The following ARHGAP42 variants were observed in gnomAD, a reference collection of about 807,000 sequenced individuals.
The protein encoded by ARHGAP42 is Rho GTPase activating protein 42.
ARHGAP42 carries 63 observed loss-of-function variants against 125.0 expected under a neutral mutation model. The observed-to-expected ratio is 0.50, with a 90% CI of 0.41 to 0.62. The LOEUF (loss-of-function observed/expected upper bound fraction) is 0.62. Among genes scored for constraint, ARHGAP42 ranks in the 20% least tolerant of loss-of-function variants. The pLI is 0.00. For synonymous variants in ARHGAP42, 339 were observed against 351.0 expected (o/e 0.97, Z 0.38); for missense variants, 766 against 1,024.2 (o/e 0.75, Z 3.44).
intron 3 of ARHGAP42, among the ~76,000 whole-genome samples, chr11:100,858,804 A>G (rs976810436): frequency 4.6e-5 from 7 of 152,058 alleles, no homozygotes; most frequent in African/African-American, 1.4e-4. Flanking sequence ...CTTTATTTTA[A>G]TGCTTTCTAA....
rs1037746707 is a variant in ARHGAP42, at chr11:100,687,652, G to A, written c.-27G>A. 31 of 1,418,890 alleles carry A rather than the reference G, an allele frequency of 2.2e-5. No individual in the cohort carries two copies. The highest frequency in any genetic ancestry group is 2.8e-5 in the Non-Finnish European group (30 of 1,074,910). 87.9% of individuals were successfully genotyped at this position (1,418,890 alleles called of 1,614,324 possible). Reference sequence around the variant, plus strand: ...CCTGACCTCCGGCCCGGACGTGTCCGCGGCCGCCGCTGGCAGCGCCTGTGC... The same window carrying A: ...CCTGACCTCCGGCCCGGACGTGTCCACGGCCGCCGCTGGCAGCGCCTGTGC... On this transcript the variant is annotated 5_prime_UTR_variant, in exon 1 of 24. Coordinates refer to ENST00000298815, the MANE Select transcript of ARHGAP42 (RefSeq NM_152432.4).
At chr11:100,849,591 G>T (rs78473389) in intron 3 of ARHGAP42, among the ~76,000 whole-genome samples, 2,832 of 145,940 alleles carry the variant, frequency 0.019, 39 homozygotes, top group Middle Eastern at 0.042. Flanking sequence ...TTTTTTTTTT[G>T]GTTTTATTTT....
chr11:100,795,358 T>C (rs1481537737), intron 3 of ARHGAP42, among the ~76,000 whole-genome samples, 192 bp downstream of exon 3: 1 of 152,236 alleles, frequency 6.6e-6, no homozygotes, highest in East Asian at 1.9e-4. Flanking sequence ...ACCATTTTTT[T>C]CTAATTATAT....
chr11:100,759,878 A>G (rs1862663379), intron 1 of ARHGAP42, among the ~76,000 whole-genome samples: 3 of 152,214 alleles, frequency 2.0e-5, no homozygotes. Flanking sequence ...CCCCAGGAAG[A>G]CACAATAAGA....
intron 5 of ARHGAP42, among the ~76,000 whole-genome samples, chr11:100,920,268 C>A (rs1232717722): frequency 6.6e-6 from 1 of 152,088 alleles, no homozygotes; most frequent in South Asian, 2.1e-4. Flanking sequence ...TAATTAAATG[C>A]ATGATAAGTA....
intron 4 of ARHGAP42, among the ~76,000 whole-genome samples, chr11:100,893,408 G>A (rs1445113420): frequency 6.6e-6 from 1 of 151,988 alleles, no homozygotes; most frequent in Non-Finnish European, 1.5e-5. Context: ...TATTTTTCAA[G>A]TATTGTTAGT....
At chr11:100,939,616 C>A (rs1482933235) in intron 8 of ARHGAP42, among the ~76,000 whole-genome samples, 2 of 152,138 alleles carry the variant, frequency 1.3e-5, no homozygotes, top group Non-Finnish European at 2.9e-5. Context: ...CCCTTCCGCA[C>A]TGCAAATATT....
At chr11:100,764,633 T>C (rs1342715070) in intron 1 of ARHGAP42, among the ~76,000 whole-genome samples, 2 of 152,202 alleles carry the variant, frequency 1.3e-5, no homozygotes. Flanking sequence ...GAATAACTTA[T>C]GTTTTACAAG....
chr11:100,883,125 T>A (rs1184114159), intron 4 of ARHGAP42, among the ~76,000 whole-genome samples: 1 of 152,208 alleles, frequency 6.6e-6, no homozygotes, highest in African/African-American at 2.4e-5. Context: ...ACCAGACTGC[T>A]GCTTATCCTG....
At chr11:100,948,747 G>A (rs1591315245) in intron 11 of ARHGAP42, among the ~76,000 whole-genome samples, 1 of 151,916 alleles carries the variant, frequency 6.6e-6, no homozygotes, top group East Asian at 1.9e-4. Context: ...GGGACTTTTG[G>A]GACTAATTTA....
At chr11:100,837,666 C>CTTTTTTTTTT (rs373059302) in intron 3 of ARHGAP42, among the ~76,000 whole-genome samples, 902 of 60,544 alleles carry the variant, frequency 0.015, 107 homozygotes, top group South Asian at 0.033. Context: ...AGGTGTCATC[C>CTTTTTTTTTT]TTTTTTTTTT....
chr11:100,910,157 C>T (rs1412901606), intron 4 of ARHGAP42, among the ~76,000 whole-genome samples: 3 of 152,058 alleles, frequency 2.0e-5, no homozygotes, highest in Non-Finnish European at 4.4e-5. Flanking sequence ...ACTAATTCAC[C>T]GTTTTTGAGG....
chr11:100,903,736 ATATATATATATATATATATG>A (rs1472163485), intron 4 of ARHGAP42, among the ~76,000 whole-genome samples: 6 of 106,654 alleles, frequency 5.6e-5, no homozygotes, highest in African/African-American at 2.0e-4. Flanking sequence ...ATATATATAT[ATATATATATATATATATATG>A]TATGTAAAGG....
chr11:100,708,701 C>G (rs752800369), intron 1 of ARHGAP42, among the ~76,000 whole-genome samples: 6 of 151,990 alleles, frequency 3.9e-5, no homozygotes, highest in Non-Finnish European at 8.8e-5. Flanking sequence ...TTTAACCTCC[C>G]ATGTTCACAT....
At chr11:100,771,022 C>T (rs1342559066) in intron 2 of ARHGAP42, among the ~76,000 whole-genome samples, 1 of 152,176 alleles carries the variant, frequency 6.6e-6, no homozygotes, top group Non-Finnish European at 1.5e-5. Context: ...TATTAGGTAT[C>T]TACTATTAAA....
At chr11:100,836,730 C>CT (rs200596327) in intron 3 of ARHGAP42, among the ~76,000 whole-genome samples, 61,998 of 123,136 alleles carry the variant, frequency 0.5, 15,215 homozygotes, top group East Asian at 0.71. Context: ...TTGTTGTTTT[C>CT]TTTTTTTTTT....
At chr11:100,939,145 C>T (rs894435016) in intron 8 of ARHGAP42, among the ~76,000 whole-genome samples, 1 of 152,122 alleles carries the variant, frequency 6.6e-6, no homozygotes, top group African/African-American at 2.4e-5. Context: ...TTCTGCTAGA[C>T]TTCAGTGTAA....
At chr11:100,978,849 C>A in intron 21 of ARHGAP42, 138 bp from the exon 22 acceptor site, 1 of 779,072 alleles carries the variant, frequency 1.3e-6, no homozygotes, top group Non-Finnish European at 2.1e-6. Context: ...AAGGTTAAAA[C>A]AATTAAAATT....
chr11:100,863,247 A>C (rs1865488719), intron 4 of ARHGAP42, among the ~76,000 whole-genome samples: 2 of 152,134 alleles, frequency 1.3e-5, no homozygotes, highest in African/African-American at 4.8e-5. Flanking sequence ...TCTACAAGTG[A>C]CACTCTGCTG....
Sources: gnomAD v4.1 joint callset for allele counts (sites outside exome capture counted in the v4.1 genomes callset) on GRCh38, gnomAD v4.1.1 for gene constraint, MANE v1.5 for transcripts, NCBI Gene and HGNC (gene_info 2026-07-23, HGNC 2026-07-21) for gene names.